The following PARD3 variants were observed in gnomAD, a reference collection of about 807,000 sequenced individuals.
PARD3 encodes the protein par-3 family cell polarity regulator.
In PARD3, 75 loss-of-function variants were observed where a neutral mutation model predicts 155.4. That is an observed-to-expected ratio of 0.48 (90% CI 0.40 to 0.58). The LOEUF (loss-of-function observed/expected upper bound fraction) is 0.58, where lower values mean the gene tolerates loss of function less well. Among genes scored for constraint, PARD3 ranks in the 20% least tolerant of loss-of-function variants. The pLI, the probability that PARD3 is intolerant of heterozygous loss-of-function variation, is 0.00. For synonymous variants in PARD3, 576 were observed against 610.5 expected (o/e 0.94, Z 0.83); for missense variants, 1,642 against 1,721.7 (o/e 0.95, Z 0.82).
intron 23 of PARD3, among the ~76,000 whole-genome samples, chr10:34,126,326 G>A (rs1169938587): frequency 6.6e-6 from 1 of 152,182 alleles, no homozygotes; most frequent in Non-Finnish European, 1.5e-5. Context: ...AAAATAGGTA[G>A]ATTGAAAGGG....
rs115092920 is a variant in PARD3 at position 34,516,060 on chromosome 10, G to A, written c.403+919C>T. Among the ~76,000 whole-genome samples, 705 of 151,762 alleles carry A rather than the reference G, an allele frequency of 4.6e-3. 5 individuals are homozygous for A. Among genetic ancestry groups the A allele is most frequent in the African/African-American group, 0.016 (669 of 41,300 alleles). ...CAACCTCCATCTCCAACCTCCAATC[G>A]TTCAAGCAATTCTCCTGTTTCAGCC... is the stretch of plus-strand genomic sequence containing the variant. On this transcript the variant is annotated intron_variant, in intron 3 of 24. Coordinates refer to ENST00000374788, the MANE Select transcript of PARD3 (RefSeq NM_001184785.2).
intron 20 of PARD3, among the ~76,000 whole-genome samples, chr10:34,316,708 T>C (rs1019119138): frequency 6.6e-6 from 1 of 152,196 alleles, no homozygotes; most frequent in Non-Finnish European, 1.5e-5. Flanking sequence ...GATACAGACA[T>C]GTCCCTCCTA....
chr10:34,648,583 G>T (rs887905204), intron 2 of PARD3, among the ~76,000 whole-genome samples: 1 of 152,064 alleles, frequency 6.6e-6, no homozygotes, highest in African/African-American at 2.4e-5. Flanking sequence ...TTCTCAAAAG[G>T]GGCGTGCAAC....
intron 3 of PARD3, among the ~76,000 whole-genome samples, chr10:34,511,870 C>CGACT (rs1431511393): frequency 1.3e-5 from 2 of 152,178 alleles, no homozygotes; most frequent in African/African-American, 4.8e-5. Flanking sequence ...CGAGTGCAGT[C>CGACT]ACACACCACC....
At chr10:34,214,928 A>T (rs1951929845) in intron 22 of PARD3, among the ~76,000 whole-genome samples, 1 of 152,166 alleles carries the variant, frequency 6.6e-6, no homozygotes, top group Non-Finnish European at 1.5e-5. Context: ...TAAGGGTGAG[A>T]CGCAGTCAGG....
chr10:34,317,076 G>A, intron 20 of PARD3, 31 bp downstream of exon 20: 1 of 1,525,508 alleles, frequency 6.6e-7, no homozygotes, highest in Non-Finnish European at 8.8e-7. Context: ...TATGTTTAAG[G>A]AGATTCTGGT....
chr10:34,315,908 A>G (rs1957975882), intron 20 of PARD3, among the ~76,000 whole-genome samples: 2 of 152,180 alleles, frequency 1.3e-5, no homozygotes, highest in Admixed American at 1.3e-4. Context: ...GTGTTAATAT[A>G]AGTCTAGAGT....
intron 7 of PARD3, among the ~76,000 whole-genome samples, chr10:34,386,006 T>C (rs760877352): frequency 1.3e-5 from 2 of 152,240 alleles, no homozygotes; most frequent in Non-Finnish European, 2.9e-5. Context: ...CTACTAAAGA[T>C]ATGATGAAAC....
intron 22 of PARD3, among the ~76,000 whole-genome samples, chr10:34,137,927 G>A (rs1018222425): frequency 2.0e-5 from 3 of 152,120 alleles, no homozygotes; most frequent in African/African-American, 4.8e-5. Flanking sequence ...TCCTCAGACC[G>A]CCCCCACACC....
At chr10:34,394,169 G>GTAACCATC (rs200624904) in intron 7 of PARD3, among the ~76,000 whole-genome samples, 1,525 of 151,956 alleles carry the variant, frequency 0.01, 22 homozygotes, top group African/African-American at 0.034. Context: ...GGGACTACAG[G>GTAACCATC]TACCCATCAC....
rs187174164 is a variant in PARD3 at position 34,388,532 on chromosome 10, A to G, written c.891-4278T>C. 9.8e-5 allele frequency among the ~76,000 whole-genome samples: 15 copies of G among 152,338 alleles called. No individual in the cohort carries two copies. In the East Asian group the frequency reaches 2.7e-3, roughly 27 times the overall value. On this transcript the variant is annotated intron_variant, in intron 7 of 24. Coordinates refer to ENST00000374788, the MANE Select transcript of PARD3 (RefSeq NM_001184785.2). ...AAAGCTGTATCAAACAATATAATTA[A>G]AAACAAATTTTAGGGATATATTTTG...
intron 14 of PARD3, among the ~76,000 whole-genome samples, chr10:34,353,593 T>A (rs1421694345): frequency 1.3e-5 from 2 of 151,990 alleles, no homozygotes; most frequent in Non-Finnish European, 2.9e-5. Context: ...GGCCGCAGGG[T>A]CCTCTGCCTA....
intron 18 of PARD3, among the ~76,000 whole-genome samples, chr10:34,335,813 G>A (rs1317456636): frequency 6.6e-6 from 1 of 152,042 alleles, no homozygotes; most frequent in Non-Finnish European, 1.5e-5. Context: ...TCACCACTCT[G>A]AGAATCACTT....
chr10:34,399,468 A>C, intron 6 of PARD3, 55 bp from the exon 7 acceptor site: 1 of 1,180,280 alleles, frequency 8.5e-7, no homozygotes, highest in Non-Finnish European at 1.3e-6. Context: ...ACAAACCAAA[A>C]CCAAAACAAA....
intron 2 of PARD3, among the ~76,000 whole-genome samples, chr10:34,672,327 G>T (rs1410236036): frequency 6.6e-6 from 1 of 152,040 alleles, no homozygotes; most frequent in African/African-American, 2.4e-5. Context: ...ACCCAAAAAG[G>T]TAAACAAAAA....
Position 34,354,213 on chromosome 10 carries a change from T to TA in PARD3, c.2067+4933dup, listed in dbSNP as rs200225768. ...TAACACGGTGAAACTCCATCTCTAC[T>TA]AAAAAATACAAAAAATTAGCTGGGC... On this transcript the variant is annotated intron_variant, in intron 14 of 24. Transcript: ENST00000374788. Among the ~76,000 whole-genome samples, 530 of 150,974 alleles carry TA rather than the reference T, an allele frequency of 3.5e-3. 1 individual carries two copies. Among genetic ancestry groups the TA allele is most frequent in the African/African-American group, 0.012 (495 of 41,160 alleles).
chr10:34,691,080 G>A (rs936825477), intron 2 of PARD3, among the ~76,000 whole-genome samples: 3 of 152,112 alleles, frequency 2.0e-5, no homozygotes, highest in East Asian at 1.9e-4. Flanking sequence ...GCCAGGCATC[G>A]TGCAGTATGC....
intron 20 of PARD3, among the ~76,000 whole-genome samples, chr10:34,291,151 T>C (rs1956657316): frequency 6.6e-6 from 1 of 152,214 alleles, no homozygotes; most frequent in South Asian, 2.1e-4. Flanking sequence ...AAAGTCCTAA[T>C]AGGTAATTGC....
chr10:34,748,098 T>C (rs1270296952), intron 1 of PARD3, among the ~76,000 whole-genome samples: 1 of 151,582 alleles, frequency 6.6e-6, no homozygotes, highest in Non-Finnish European at 1.5e-5. Flanking sequence ...CGGGAGGAGG[T>C]GTCTAGGTCA....
Sources: allele counts gnomAD v4.1 joint callset (sites outside exome capture counted in the v4.1 genomes callset), GRCh38; gene constraint gnomAD v4.1.1; transcripts MANE v1.5; gene names NCBI Gene and HGNC (gene_info 2026-07-23, HGNC 2026-07-21).